The following PRKD1 variants were observed in gnomAD, a reference collection of about 807,000 sequenced individuals.
PRKD1 encodes the protein serine/threonine-protein kinase D1.
A neutral mutation model predicts 95.9 loss-of-function variants in PRKD1; 63 were observed. The observed-to-expected ratio is 0.66, with a 90% confidence interval of 0.54 to 0.81. PRKD1 has a LOEUF of 0.81. Among genes scored for constraint, PRKD1 ranks in the 30% least tolerant of loss-of-function variants. The probability of loss-of-function intolerance (pLI) is 0.00; values close to 1 mark genes in which losing one functional copy is unlikely to be tolerated. For missense variants in PRKD1, 1,048 were observed against 1,165.3 expected (o/e 0.90, Z 1.47); for synonymous variants, 425 against 423.1 (o/e 1.00, Z -0.05).
At chr14:29,912,521 T>C (rs1431954078) in intron 1 of PRKD1, among the ~76,000 whole-genome samples, 2 of 152,248 alleles carry the variant, frequency 1.3e-5, no homozygotes, top group Non-Finnish European at 2.9e-5. Context: ...AAACCAAGTA[T>C]AGAGTAATAG....
At chr14:29,709,051 C>T (rs1031792470) in intron 2 of PRKD1, among the ~76,000 whole-genome samples, 2 of 152,002 alleles carry the variant, frequency 1.3e-5, no homozygotes, top group African/African-American at 4.8e-5. Flanking sequence ...TAAGCAAATT[C>T]CCTTTGTTGA....
chr14:29,925,080 C>T (rs1276190497), intron 1 of PRKD1, among the ~76,000 whole-genome samples: 2 of 152,058 alleles, frequency 1.3e-5, no homozygotes, highest in African/African-American at 4.8e-5. Context: ...AAAGTGAGAT[C>T]TTTACCTTAA....
intron 16 of PRKD1, among the ~76,000 whole-genome samples, chr14:29,586,384 A>G (rs1465300129): frequency 3.3e-5 from 5 of 152,188 alleles, no homozygotes; most frequent in African/African-American, 1.2e-4. Flanking sequence ...TGCTGGTAAA[A>G]TAACTTAAAG....
At chr14:29,913,225 T>C (rs1165093997) in intron 1 of PRKD1, among the ~76,000 whole-genome samples, 1 of 152,228 alleles carries the variant, frequency 6.6e-6, no homozygotes, top group African/African-American at 2.4e-5. Flanking sequence ...AAAAATGACA[T>C]GGTTAATATA....
At chr14:29,614,866 T>A (rs1878740046) in intron 13 of PRKD1, among the ~76,000 whole-genome samples, 1 of 39,290 alleles carries the variant, frequency 2.5e-5, no homozygotes, top group South Asian at 7.7e-4. Context: ...ATTTTTTTTT[T>A]TTTTTTTTTT....
At chr14:29,904,586 T>C (rs45548035) in intron 1 of PRKD1, among the ~76,000 whole-genome samples, 5,059 of 152,300 alleles carry the variant, frequency 0.033, 291 homozygotes, top group African/African-American at 0.11. Flanking sequence ...CAATAATAAT[T>C]GCTATTATTA....
At chr14:29,917,673 C>A (rs1050091098) in intron 1 of PRKD1, among the ~76,000 whole-genome samples, 3 of 151,990 alleles carry the variant, frequency 2.0e-5, no homozygotes, top group Non-Finnish European at 4.4e-5. Context: ...ATGCTGAATA[C>A]CCTTTTAATT....
At chr14:29,704,527 G>GAGGGC (rs2139336431) in intron 2 of PRKD1, among the ~76,000 whole-genome samples, 1 of 152,230 alleles carries the variant, frequency 6.6e-6, no homozygotes, top group South Asian at 2.1e-4. Context: ...AGCCTTCAAA[G>GAGGGC]AGGGCAGAGA....
chr14:29,658,890 G>T (rs1029839002), intron 4 of PRKD1, among the ~76,000 whole-genome samples: 2 of 152,128 alleles, frequency 1.3e-5, no homozygotes, highest in African/African-American at 2.4e-5. Context: ...ATAACATAAT[G>T]TATTAATTAT....
intron 1 of PRKD1, among the ~76,000 whole-genome samples, chr14:29,759,350 C>A (rs1212100894): frequency 6.6e-6 from 1 of 152,114 alleles, no homozygotes; most frequent in Admixed American, 6.5e-5. Context: ...AAGCACAGCA[C>A]CCATGAAATA....
chr14:29,780,247 AAC>A (rs540800825), intron 1 of PRKD1, among the ~76,000 whole-genome samples: 196 of 152,338 alleles, frequency 1.3e-3, no homozygotes, highest in African/African-American at 4.2e-3. Context: ...TCATGACTAA[AAC>A]ACCAAAAGCA....
chr14:29,788,371 C>A (rs12879750), intron 1 of PRKD1, among the ~76,000 whole-genome samples: 23,663 of 151,990 alleles, frequency 0.16, 2,082 homozygotes, highest in South Asian at 0.21. Context: ...GACTTTTGAC[C>A]GATTAACTAT....
intron 1 of PRKD1, among the ~76,000 whole-genome samples, chr14:29,816,774 T>A (rs1890709787): frequency 6.6e-6 from 1 of 152,186 alleles, no homozygotes; most frequent in Non-Finnish European, 1.5e-5. Flanking sequence ...TATTGTGTCC[T>A]CAATAGTGTA....
Position 29,927,335 on chromosome 14 carries a change from C to T in PRKD1, c.178G>A (p.Glu60Lys), listed in dbSNP as rs746045993. The T allele has an allele frequency of 1.3e-6, 2 of 1,566,340 alleles. No individual in the cohort carries two copies. The highest frequency in any genetic ancestry group is 1.7e-6 in the Non-Finnish European group (2 of 1,158,406). Residue 60 changes from glutamate to lysine, a missense_variant, in exon 1 of 18, where the codon GAG becomes AAG. Around this residue, in one of 3 missense-constraint regions of PRKD1, gnomAD observed 275 missense variants for 248.6 expected, o/e 1.11. Coordinates refer to ENST00000331968, the MANE Select transcript of PRKD1 (RefSeq NM_002742.3). ...GAGTCCTGCAGCAGCAGCACCGGCT[C>T]ACGGCTCAGGCCGATCTGCAGATGG... Reference protein sequence around the residue: ...SFHLQIGLSREPVLLLQDSSG... With the variant: ...SFHLQIGLSRKPVLLLQDSSG...
intron 1 of PRKD1, among the ~76,000 whole-genome samples, chr14:29,741,805 T>C (rs1300043889): frequency 6.6e-6 from 1 of 152,180 alleles, no homozygotes; most frequent in South Asian, 2.1e-4. Flanking sequence ...ATTATATCTA[T>C]ATATCTTGTT....
At chr14:29,805,047 T>A (rs984773659) in intron 1 of PRKD1, among the ~76,000 whole-genome samples, 1 of 152,226 alleles carries the variant, frequency 6.6e-6, no homozygotes, top group Non-Finnish European at 1.5e-5. Flanking sequence ...GAAATGTTGG[T>A]ATAGTGCTTC....
At chr14:29,819,554 GT>G (rs1268526183) in intron 1 of PRKD1, among the ~76,000 whole-genome samples, 1 of 152,122 alleles carries the variant, frequency 6.6e-6, no homozygotes, top group Non-Finnish European at 1.5e-5. Context: ...CCCGGGCGTG[GT>G]GGCGGGCGCC....
intron 4 of PRKD1, chr14:29,656,456 C>G: frequency 6.5e-7 from 1 of 1,528,920 alleles, no homozygotes; most frequent in Non-Finnish European, 8.8e-7. Context: ...TTTCTAGCAC[C>G]AGGTAGCATT....
chr14:29,786,191 C>A (rs1168394984), intron 1 of PRKD1, among the ~76,000 whole-genome samples: 1 of 152,132 alleles, frequency 6.6e-6, no homozygotes, highest in Admixed American at 6.6e-5. Flanking sequence ...TGGGACAAAT[C>A]CCACTTTGTC....
Sources: gnomAD v4.1 joint callset for allele counts (sites outside exome capture counted in the v4.1 genomes callset) on GRCh38, gnomAD v4.1.1 for gene constraint, gnomAD v4.1.1 regional missense constraint, MANE v1.5 for transcripts, NCBI Gene and HGNC (gene_info 2026-07-23, HGNC 2026-07-21) for gene names.